RNF122: variants seen among roughly 807,000 people sequenced by gnomAD.
RNF122 encodes the protein ring finger protein 122.
In RNF122, 17 loss-of-function variants were observed where a neutral mutation model predicts 24.2. The observed-to-expected ratio is 0.70, with a 90% CI of 0.48 to 1.06. The LOEUF (loss-of-function observed/expected upper bound fraction) is 1.06, where lower values mean the gene tolerates loss of function less well. RNF122 is among the 50% of genes least tolerant of loss of function. The pLI is 0.00. For synonymous variants in RNF122, 65 were observed against 71.8 expected (o/e 0.91, Z 0.48); for missense variants, 168 against 198.1 (o/e 0.85, Z 0.91).
At chr8:33,565,393 CT>C (rs1041242948) in intron 1 of RNF122, among the ~76,000 whole-genome samples, 3 of 151,954 alleles carry the variant, frequency 2.0e-5, no homozygotes, top group African/African-American at 7.3e-5. Flanking sequence ...TTTTTTCCCC[CT>C]GTAACTAGCT....
intron 1 of RNF122, 32 bp downstream of exon 1, chr8:33,566,667 A>C: frequency 6.3e-7 from 1 of 1,590,082 alleles, no homozygotes; most frequent in Non-Finnish European, 8.5e-7. Context: ...CACCAGCCCC[A>C]CGTAGGCTCG....
chr8:33,552,792 C>T (rs1430859457), intron 2 of RNF122, among the ~76,000 whole-genome samples: 8 of 151,950 alleles, frequency 5.3e-5, no homozygotes, highest in Admixed American at 5.2e-4. Flanking sequence ...GGTGGGATGG[C>T]TCATGCCTGT....
At position 33,561,102 on chromosome 8, in the gene RNF122, G is replaced by C. The variant is rs1810533525; in HGVS notation, c.26-2331C>G. Reference sequence around the variant, plus strand: ...TAATCTTTGTACTGCCACAGTAAAGGTTACTTCCCCCCGCCAATGGGAAAA... The same window carrying C: ...TAATCTTTGTACTGCCACAGTAAAGCTTACTTCCCCCCGCCAATGGGAAAA... On this transcript the variant is annotated intron_variant, in intron 1 of 5. Coordinates refer to ENST00000256257, the MANE Select transcript of RNF122 (RefSeq NM_024787.3). Among the ~76,000 whole-genome samples the C allele has an allele frequency of 5.3e-5, 5 of 93,546 alleles. No individual in the cohort carries two copies. In the South Asian group the frequency reaches 1.4e-3, roughly 27 times the overall value. The allele number at this position is 93,546 out of a possible 152,430, so 61.4% of individuals were successfully genotyped here.
Position 33,566,810 on chromosome 8 carries a change from G to C in RNF122, c.-87C>G. On this transcript the variant is annotated 5_prime_UTR_variant, in exon 1 of 6. Transcript: ENST00000256257. ...GGTGGGAGCACTAGCGGCGTGAGGG[G>C]CCGCAGGCGGGGTCGGGGCAGCGCG... The C allele has an allele frequency of 1.4e-5, 20 of 1,468,586 alleles. No homozygotes were observed. Among genetic ancestry groups the C allele is most frequent in the Non-Finnish European group, 1.9e-5 (20 of 1,070,678 alleles). 91.0% of individuals were successfully genotyped at this position (1,468,586 alleles called of 1,614,324 possible).
intron 2 of RNF122, among the ~76,000 whole-genome samples, chr8:33,555,316 C>T (rs1376188130): frequency 2.6e-5 from 4 of 152,118 alleles, no homozygotes; most frequent in Non-Finnish European, 4.4e-5. Context: ...GATTCTCCTG[C>T]CTCAGCCTCC....
At chr8:33,550,926 G>A in intron 4 of RNF122, 118 bp downstream of exon 4, 2 of 907,912 alleles carry the variant, frequency 2.2e-6, no homozygotes, top group Non-Finnish European at 1.8e-6. Context: ...TTGGCCAAAG[G>A]AGATATGAAG....
At position 33,548,497 on chromosome 8, in the gene RNF122, T is replaced by C. The variant is rs552756699; in HGVS notation, c.*256A>G. 7.4e-6 allele frequency: 3 copies of C among 405,980 alleles called. No individual in the cohort carries two copies. The highest frequency in any genetic ancestry group is 6.0e-5 in the African/African-American group (3 of 50,306). 25.1% of individuals were successfully genotyped at this position (405,980 alleles called of 1,614,324 possible). A position where few individuals can be genotyped will look rare whatever the true frequency, so the allele number is the denominator to read the frequency against. On this transcript the variant is annotated 3_prime_UTR_variant, in exon 6 of 6. Transcript: ENST00000256257. Reference sequence around the variant, plus strand: ...GGGACAAGGCAGGTAGATAGTCCAGTACCAGGAGACAGTGGTCTTGATGGG... The same window carrying C: ...GGGACAAGGCAGGTAGATAGTCCAGCACCAGGAGACAGTGGTCTTGATGGG...
chr8:33,556,945 A>T (rs1301454413), intron 2 of RNF122, among the ~76,000 whole-genome samples: 1 of 152,174 alleles, frequency 6.6e-6, no homozygotes, highest in East Asian at 1.9e-4. Context: ...AGCCTTGGAG[A>T]AGATGGACTA....
chr8:33,553,071 A>AG (rs1491166559), intron 2 of RNF122, among the ~76,000 whole-genome samples: 1 of 28,112 alleles, frequency 3.6e-5, no homozygotes, highest in African/African-American at 1.7e-4. Context: ...ACCCTGTCTC[A>AG]AAAAAAAAAA....
At chr8:33,554,976 C>G (rs185758166) in intron 2 of RNF122, among the ~76,000 whole-genome samples, 14 of 152,154 alleles carry the variant, frequency 9.2e-5, no homozygotes, top group Non-Finnish European at 1.9e-4. Flanking sequence ...GTGGCTTCTG[C>G]GCCTGTGTGT....
At chr8:33,555,852 G>A (rs1297147131) in intron 2 of RNF122, among the ~76,000 whole-genome samples, 1 of 152,098 alleles carries the variant, frequency 6.6e-6, no homozygotes, top group Non-Finnish European at 1.5e-5. Context: ...ACAATGCCTG[G>A]CCTATGGAAA....
intron 4 of RNF122, among the ~76,000 whole-genome samples, chr8:33,550,403 C>T (rs957918198): frequency 2.0e-5 from 3 of 152,188 alleles, no homozygotes; most frequent in South Asian, 2.1e-4. Context: ...AACTGTGATC[C>T]GCTCTGCTCC....
At chr8:33,566,260 C>T (rs1810621606) in intron 1 of RNF122, among the ~76,000 whole-genome samples, 1 of 152,200 alleles carries the variant, frequency 6.6e-6, no homozygotes, top group South Asian at 2.1e-4. Flanking sequence ...GTCCCGCACG[C>T]TGCACGGTAT....
intron 4 of RNF122, among the ~76,000 whole-genome samples, chr8:33,550,294 T>G (rs1050087129): frequency 1.3e-5 from 2 of 152,126 alleles, no homozygotes; most frequent in Admixed American, 6.6e-5. Context: ...TTGATCTCAG[T>G]TGAATTATTC....
chr8:33,553,855 C>G (rs953876447), intron 2 of RNF122, among the ~76,000 whole-genome samples: 10 of 152,220 alleles, frequency 6.6e-5, no homozygotes, highest in African/African-American at 2.4e-4. Flanking sequence ...CCTGGAGCCT[C>G]TTGAGAGCTC....
chr8:33,554,169 T>C (rs1263596385), intron 2 of RNF122, among the ~76,000 whole-genome samples: 3 of 152,172 alleles, frequency 2.0e-5, no homozygotes, highest in Non-Finnish European at 4.4e-5. Context: ...GAAGGAAGTG[T>C]TCCCAGGGAC....
At chr8:33,563,884 C>T (rs1810579889) in intron 1 of RNF122, among the ~76,000 whole-genome samples, 1 of 152,104 alleles carries the variant, frequency 6.6e-6, no homozygotes, top group Non-Finnish European at 1.5e-5. Flanking sequence ...CTGTGCACTC[C>T]ACAAGCACGA....
chr8:33,555,186 G>GGT (rs531768703), intron 2 of RNF122, among the ~76,000 whole-genome samples: 4 of 151,608 alleles, frequency 2.6e-5, no homozygotes, highest in African/African-American at 9.7e-5. Flanking sequence ...TGTTTTTTGT[G>GGT]TTTTTTTGGG....
intron 2 of RNF122, among the ~76,000 whole-genome samples, chr8:33,554,605 G>A (rs2128839138): frequency 6.6e-6 from 1 of 152,274 alleles, no homozygotes; most frequent in East Asian, 1.9e-4. Context: ...AAAACCCTGG[G>A]CAATCCCAGC....
Sources: allele counts gnomAD v4.1 joint callset (sites outside exome capture counted in the v4.1 genomes callset), GRCh38; gene constraint gnomAD v4.1.1; transcripts MANE v1.5; gene names NCBI Gene and HGNC (gene_info 2026-07-23, HGNC 2026-07-21).